The following SULF1 variants were observed in gnomAD, a reference collection of about 807,000 sequenced individuals.
SULF1 encodes extracellular sulfatase Sulf-1.
SULF1 carries 46 observed loss-of-function variants against 110.5 expected under a neutral mutation model. The ratio of observed to expected loss-of-function variants is 0.42; its 90% CI spans 0.33 to 0.53. The LOEUF is 0.53. SULF1 is among the 20% of genes least tolerant of loss of function. SULF1 has a pLI of 0.12. For missense variants in SULF1, 941 were observed against 1,094.2 expected, an observed-to-expected ratio of 0.86 and a Z score of 1.98; for synonymous variants, 371 against 387.1, an observed-to-expected ratio of 0.96 and a Z score of 0.49.
intron 3 of SULF1, among the ~76,000 whole-genome samples, chr8:69,550,557 C>T (rs542997632): frequency 6.0e-4 from 91 of 151,608 alleles, no homozygotes; most frequent in African/African-American, 2.1e-3. Flanking sequence ...GAGGAGCTGG[C>T]GATAAAATGA....
At chr8:69,652,387 C>T (rs1316170111) in intron 22 of SULF1, among the ~76,000 whole-genome samples, 1 of 152,164 alleles carries the variant, frequency 6.6e-6, no homozygotes, top group Non-Finnish European at 1.5e-5. Flanking sequence ...ATCCTTGCTT[C>T]GTGAAAAGAG....
At chr8:69,585,447 T>C (rs1466356934) in intron 6 of SULF1, among the ~76,000 whole-genome samples, 3 of 152,176 alleles carry the variant, frequency 2.0e-5, no homozygotes, top group African/African-American at 7.2e-5. Flanking sequence ...TGAACCCATA[T>C]TGTTCCTGGA....
chr8:69,660,112 C>CT lies in SULF1; in HGVS notation c.*1580dup, dbSNP rs1277422980. On this transcript the variant is annotated 3_prime_UTR_variant, in exon 23 of 23. Transcript: ENST00000402687. ...TCAAAGCGTTCATCATACATCATAC[C>CT]TTTAAGATTGCTATATTTTGGGTTA... The CT allele has an allele frequency of 2.0e-5, 3 of 152,456 alleles. No homozygotes were observed. Among genetic ancestry groups the CT allele is most frequent in the African/African-American group, 7.2e-5 (3 of 41,422 alleles). The allele number at this position is 152,456 out of a possible 1,614,324, so 9.4% of individuals were successfully genotyped here.
At chr8:69,535,592 A>G (rs958271565) in intron 3 of SULF1, among the ~76,000 whole-genome samples, 1 of 152,204 alleles carries the variant, frequency 6.6e-6, no homozygotes, top group African/African-American at 2.4e-5. Flanking sequence ...GTTAGGATGT[A>G]AGGAGTAAAG....
chr8:69,628,826 C>T, intron 18 of SULF1, among the ~76,000 whole-genome samples: 1 of 152,140 alleles, frequency 6.6e-6, no homozygotes, highest in East Asian at 1.9e-4. Flanking sequence ...TCTGATTCAA[C>T]TAACCTTTAA....
intron 3 of SULF1, among the ~76,000 whole-genome samples, chr8:69,531,569 T>C (rs1043310892): frequency 4.6e-5 from 7 of 152,220 alleles, no homozygotes; most frequent in Admixed American, 1.3e-4. Context: ...ATTGTGCTTC[T>C]GCAAAAAGTC....
chr8:69,628,696 G>A (rs754794637), intron 18 of SULF1, among the ~76,000 whole-genome samples: 1 of 152,124 alleles, frequency 6.6e-6, no homozygotes, highest in Non-Finnish European at 1.5e-5. Flanking sequence ...CTTCAACAAA[G>A]TTTAAGCCTT....
At chr8:69,603,409 G>A (rs1349406556) in intron 11 of SULF1, 89 bp downstream of exon 11, 1 of 1,591,268 alleles carries the variant, frequency 6.3e-7, no homozygotes, top group East Asian at 2.2e-5. Context: ...AGACATGGAG[G>A]CAGAATATGC....
At chr8:69,657,509 A>G (rs762146485) in intron 22 of SULF1, among the ~76,000 whole-genome samples, 1 of 152,166 alleles carries the variant, frequency 6.6e-6, no homozygotes, top group Non-Finnish European at 1.5e-5. Flanking sequence ...GCCTCCAATC[A>G]ATCTTTGACT....
intron 2 of SULF1, among the ~76,000 whole-genome samples, chr8:69,500,215 C>T (rs6982250): frequency 0.24 from 35,737 of 152,030 alleles, 4,526 homozygotes; most frequent in East Asian, 0.51. Context: ...TAATGATTGC[C>T]GATGTTTATT....
chr8:69,533,005 CA>C (rs904498578), intron 3 of SULF1, among the ~76,000 whole-genome samples: 2 of 152,160 alleles, frequency 1.3e-5, no homozygotes, highest in Admixed American at 1.3e-4. Context: ...AATATCAAGA[CA>C]AACAAATGAA....
intron 13 of SULF1, among the ~76,000 whole-genome samples, chr8:69,616,111 GTGTGTATATATAA>G (rs1450982672): frequency 1.4e-5 from 2 of 147,956 alleles, no homozygotes; most frequent in Admixed American, 6.8e-5. Context: ...ACATATATGT[GTGTGTATATATAA>G]TGTGTATATA....
chr8:69,594,856 A>T (rs959041522), intron 8 of SULF1, among the ~76,000 whole-genome samples: 1 of 152,162 alleles, frequency 6.6e-6, no homozygotes, highest in Non-Finnish European at 1.5e-5. Context: ...CGAGTTGCAC[A>T]ACTCCAGGGG....
At chr8:69,545,868 T>C (rs1814225022) in intron 3 of SULF1, among the ~76,000 whole-genome samples, 1 of 152,162 alleles carries the variant, frequency 6.6e-6, no homozygotes, top group South Asian at 2.1e-4. Flanking sequence ...TTTTGTTTGG[T>C]CTTTTTAGTA....
intron 21 of SULF1, among the ~76,000 whole-genome samples, chr8:69,639,707 GC>G (rs1174870492): frequency 4.6e-5 from 7 of 152,204 alleles, no homozygotes; most frequent in African/African-American, 1.7e-4. Context: ...TTTTTGTGGT[GC>G]CGCTGGGTTT....
chr8:69,510,619 TG>T (rs1164912572), intron 3 of SULF1, among the ~76,000 whole-genome samples: 986 of 87,074 alleles, frequency 0.011, 17 homozygotes, highest in African/African-American at 0.035. Context: ...GGTTTTTTTT[TG>T]TTTTTTTTTT....
At chr8:69,640,435 G>A (rs1811392128) in intron 21 of SULF1, among the ~76,000 whole-genome samples, 1 of 152,138 alleles carries the variant, frequency 6.6e-6, no homozygotes, top group South Asian at 2.1e-4. Flanking sequence ...TATTCCTATG[G>A]GAGATGATTA....
At chr8:69,551,424 C>T (rs1814699586) in intron 3 of SULF1, among the ~76,000 whole-genome samples, 1 of 152,142 alleles carries the variant, frequency 6.6e-6, no homozygotes, top group Non-Finnish European at 1.5e-5. Flanking sequence ...GAAAGCCACT[C>T]AAAAGAACAC....
At chr8:69,473,185 C>A (rs186123161) in intron 1 of SULF1, 1 of 152,094 alleles carries the variant, frequency 6.6e-6, no homozygotes, top group Non-Finnish European at 1.5e-5. Context: ...TTCGCTTTAC[C>A]TTCAAAGGTT....
Sources: gnomAD v4.1 joint callset for allele counts (sites outside exome capture counted in the v4.1 genomes callset) on GRCh38, gnomAD v4.1.1 for gene constraint, MANE v1.5 for transcripts, NCBI Gene and HGNC (gene_info 2026-07-23, HGNC 2026-07-21) for gene names.